CDR2: variants seen among roughly 807,000 people sequenced by gnomAD.
CDR2 encodes the protein cerebellar degeneration-related protein 2.
Under a neutral mutation model 48.4 loss-of-function variants are expected in CDR2, and 34 were observed. The observed-to-expected ratio is 0.70, with a 90% CI of 0.53 to 0.94. The LOEUF is 0.94. CDR2 is among the 40% of genes least tolerant of loss of function. The probability of loss-of-function intolerance (pLI) is 0.00; values close to 1 mark genes in which losing one functional copy is unlikely to be tolerated. For missense variants in CDR2, 498 were observed against 549.5 expected, an observed-to-expected ratio of 0.91 and a Z score of 0.94; for synonymous variants, 240 against 219.7, an observed-to-expected ratio of 1.09 and a Z score of -0.82.
rs771570725 is a variant in CDR2 at position 22,347,203 on chromosome 16, T to G, written c.1127A>C (p.His376Pro). 1 of 1,614,232 alleles carries G rather than the reference T, an allele frequency of 6.2e-7. No homozygotes were observed. Among genetic ancestry groups the G allele is most frequent in the Admixed American group, 1.7e-5 (1 of 60,026 alleles). Reference protein sequence around the residue: ...KCQEEQDSLSHKAVQTSRAAA... With the variant: ...KCQEEQDSLSPKAVQTSRAAA... The stretch of plus-strand genomic sequence containing the variant: ...AGCCCTGGAGGTCTGCACAGCCTTG[T>G]GTGACAGGGAGTCCTGTTCCTCTTG... Residue 376 changes from histidine (H) to proline (P), a missense_variant, in exon 5 of 5, where the codon CAC becomes CCC. His to Pro is a moderately conservative substitution (Grantham distance 77). Transcript: ENST00000268383.
chr16:22,349,477 T>C, intron 3 of CDR2, 34 bp from the exon 4 acceptor site: 1 of 1,611,720 alleles, frequency 6.2e-7, no homozygotes, highest in Non-Finnish European at 8.5e-7. Context: ...CTGCTGCTTG[T>C]CATATTGAAT....
At chr16:22,351,775 C>T (rs780532582) in intron 2 of CDR2, among the ~76,000 whole-genome samples, 6 of 152,160 alleles carry the variant, frequency 3.9e-5, no homozygotes, top group East Asian at 3.9e-4. Flanking sequence ...ACCTTAATGC[C>T]GCAGTGTAAG....
chr16:22,363,937 T>C (rs1443336031), intron 2 of CDR2, among the ~76,000 whole-genome samples: 1 of 152,076 alleles, frequency 6.6e-6, no homozygotes, highest in Non-Finnish European at 1.5e-5. Flanking sequence ...AGGTATTATA[T>C]TATTATTATT....
chr16:22,351,918 G>C (rs2048944688), intron 2 of CDR2, among the ~76,000 whole-genome samples: 1 of 152,148 alleles, frequency 6.6e-6, no homozygotes, highest in Non-Finnish European at 1.5e-5. Flanking sequence ...GCTTACTGAT[G>C]ATCAAACTGT....
chr16:22,374,206 GCCCGCGGGGCGCC>G lies in CDR2; in HGVS notation c.79+12_79+24del. 6.5e-7 allele frequency: 1 copy of G among 1,530,064 alleles called. No homozygotes were observed. Among genetic ancestry groups the G allele is most frequent in the Non-Finnish European group, 8.9e-7 (1 of 1,123,296 alleles). The allele number at this position is 1,530,064 out of a possible 1,614,324, so 94.8% of individuals were successfully genotyped here. On this transcript the variant is annotated intron_variant, in intron 1 of 4. Coordinates refer to ENST00000268383, the MANE Select transcript of CDR2 (RefSeq NM_001802.2). ...GGCCTCCCGGGCCAGGCCGCCGCCCGCCCGCGGGGCGCCCCCGCCCTCACCTTGCTGGAGGTCC... is the reference window on the plus strand; with the variant it reads ...GGCCTCCCGGGCCAGGCCGCCGCCCGCCCGCCCTCACCTTGCTGGAGGTCC...
chr16:22,351,176 T>TG (rs2048939158), intron 2 of CDR2, among the ~76,000 whole-genome samples: 1 of 152,220 alleles, frequency 6.6e-6, no homozygotes, highest in Admixed American at 6.5e-5. Context: ...TCCATGTCCC[T>TG]GCAAAGGACA....
At chr16:22,359,307 A>T (rs1417499077) in intron 2 of CDR2, among the ~76,000 whole-genome samples, 7 of 151,984 alleles carry the variant, frequency 4.6e-5, no homozygotes, top group African/African-American at 1.7e-4. Context: ...TTCTATTTTT[A>T]GCAGAGATGG....
At chr16:22,347,867 G>A (rs1598289786) in intron 4 of CDR2, 44 bp from the exon 5 acceptor site, 1 of 1,516,870 alleles carries the variant, frequency 6.6e-7, no homozygotes, top group Non-Finnish European at 8.9e-7. Context: ...CAGGTCCACT[G>A]AAAATGACGA....
At chr16:22,358,171 TTA>T (rs2048988442) in intron 2 of CDR2, among the ~76,000 whole-genome samples, 1 of 152,040 alleles carries the variant, frequency 6.6e-6, no homozygotes, top group Non-Finnish European at 1.5e-5. Context: ...AGGAAATGGG[TTA>T]GCTTATTTCC....
chr16:22,348,697 T>G (rs572889935), intron 4 of CDR2, among the ~76,000 whole-genome samples: 1 of 152,244 alleles, frequency 6.6e-6, no homozygotes, highest in Non-Finnish European at 1.5e-5. Flanking sequence ...ACAGCCAAGG[T>G]TGAGACCCAC....
At chr16:22,349,515 A>G in intron 3 of CDR2, 72 bp from the exon 4 acceptor site, 1 of 1,547,640 alleles carries the variant, frequency 6.5e-7, no homozygotes, top group South Asian at 1.1e-5. Flanking sequence ...AGGAGAGATT[A>G]GGTGCAAACC....
intron 1 of CDR2, among the ~76,000 whole-genome samples, chr16:22,371,730 T>C (rs1211836954): frequency 6.6e-6 from 1 of 152,200 alleles, no homozygotes; most frequent in East Asian, 1.9e-4. Context: ...TTTCACATCT[T>C]CTACTCGTAC....
intron 2 of CDR2, among the ~76,000 whole-genome samples, chr16:22,356,610 G>A (rs1014777844): frequency 1.2e-4 from 18 of 152,052 alleles, no homozygotes; most frequent in East Asian, 1.9e-4. Context: ...AAAATTCGCC[G>A]GGCATGATGG....
At chr16:22,355,295 TGCCCCACTGCAAG>T (rs2048967849) in intron 2 of CDR2, among the ~76,000 whole-genome samples, 1 of 152,224 alleles carries the variant, frequency 6.6e-6, no homozygotes, top group Admixed American at 6.5e-5. Flanking sequence ...TTTTTGGAGT[TGCCCCACTGCAAG>T]GCAAGTGCCT....
chr16:22,362,954 CTT>C (rs1278079544), intron 2 of CDR2, among the ~76,000 whole-genome samples: 29 of 137,672 alleles, frequency 2.1e-4, no homozygotes, highest in East Asian at 4.2e-4. Context: ...TACAGTAGGT[CTT>C]TTTTTTTTTT....
At position 22,349,575 on chromosome 16, in the gene CDR2, T is replaced by C. The variant is rs371363621; in HGVS notation, c.341+126A>G. 3.1e-5 allele frequency: 44 copies of C among 1,404,340 alleles called. 1 individual carries two copies. The highest frequency in any genetic ancestry group is 2.7e-4 in the East Asian group (12 of 43,788). The allele number at this position is 1,404,340 out of a possible 1,614,324, so 87.0% of individuals were successfully genotyped here. On this transcript the variant is annotated intron_variant, in intron 3 of 4. Transcript: ENST00000268383. ...GAAAGGATGTCTATTTAATCTCCAT[T>C]CTCCAAAAAGAATTAAATTAAACCT...
At position 22,349,296 on chromosome 16, in the gene CDR2, C is replaced by T. The variant is rs7195033; in HGVS notation, c.489G>A (p.Glu163=). The T allele has an allele frequency of 1.9e-3, 3,126 of 1,614,176 alleles. 66 individuals carry two copies. The African/African-American group carries it at 0.037, about 19-fold the overall frequency. The change falls in exon 4 of 5, where the codon GAG becomes GAA. Residue 163 remains glutamate (E), a synonymous_variant. Transcript: ENST00000268383. The part of the protein sequence containing the change: ...KPAPSFACLK[E]LYDLRQHFVY... Reference sequence around the variant, plus strand: ...GCTCTTACTGGCGGAGGTCATACAGCTCCTTCAGACATGCAAAGCTGGGTG... The same window carrying T: ...GCTCTTACTGGCGGAGGTCATACAGTTCCTTCAGACATGCAAAGCTGGGTG...
At chr16:22,370,471 A>T (rs2049068604) in intron 1 of CDR2, among the ~76,000 whole-genome samples, 1 of 152,192 alleles carries the variant, frequency 6.6e-6, no homozygotes, top group Non-Finnish European at 1.5e-5. Flanking sequence ...TGCACAGCTC[A>T]CCAAATGACA....
chr16:22,347,727 T>C lies in CDR2; in HGVS notation c.603A>G (p.Thr201=), dbSNP rs766336966. ...DEEENEHLKK[T]VTMLQAQLSL... ...TCAGCTGGGCCTGCAACATTGTCAC[T>C]GTTTTTTTCAAGTGCTCATTTTCCT... Residue 201 remains threonine (T), a synonymous_variant, in exon 5 of 5, where the codon ACA becomes ACG. Coordinates refer to ENST00000268383, the MANE Select transcript of CDR2 (RefSeq NM_001802.2). 1.2e-6 allele frequency: 2 copies of C among 1,614,164 alleles called. No individual in the cohort carries two copies.
Sources: allele counts gnomAD v4.1 joint callset (sites outside exome capture counted in the v4.1 genomes callset), GRCh38; gene constraint gnomAD v4.1.1; transcripts MANE v1.5; gene names NCBI Gene and HGNC (gene_info 2026-07-23, HGNC 2026-07-21).